The following WSCD2 variants were observed in gnomAD, a reference collection of about 807,000 sequenced individuals.
The protein encoded by WSCD2 is sialate:O-sulfotransferase 2.
In WSCD2, 28 loss-of-function variants were observed where a neutral mutation model predicts 55.7. The observed-to-expected ratio is 0.50, with a 90% CI of 0.37 to 0.69. WSCD2 has a LOEUF of 0.69. Among genes scored for constraint, WSCD2 ranks in the 30% least tolerant of loss-of-function variants. WSCD2 has a pLI of 0.00. For synonymous variants in WSCD2, 301 were observed against 301.9 expected, an observed-to-expected ratio of 1.00 and a Z score of 0.03; for missense variants, 616 against 762.1, an observed-to-expected ratio of 0.81 and a Z score of 2.26.
Position 108,248,280 on chromosome 12 carries a change from G to C in WSCD2, c.1635G>C (p.Met545Ile), listed in dbSNP as rs767652652. The C allele has an allele frequency of 5.6e-6, 9 of 1,614,210 alleles. No individual in the cohort carries two copies. In the Admixed American group the frequency reaches 1.5e-4, roughly 27 times the overall value. ...AGACCATCTCTGCCTACATCAAGAT[G>C]GTGGATGCAGCCCTCAAAGGGCGGA... ...MQKTISAYIKMVDAALKGRNL... is the reference protein window; with the variant it reads ...MQKTISAYIKIVDAALKGRNL... Residue 545 changes from methionine to isoleucine, a missense_variant, in exon 9 of 9, where the codon ATG (methionine) becomes ATC (isoleucine). By Grantham distance (10) the Met-to-Ile change is conservative. Transcript: ENST00000547525. The surrounding 1 kb of genome is among the most constrained non-coding windows in gnomAD (Gnocchi z 4.3).
At chr12:108,214,362 T>C (rs1886586622) in intron 4 of WSCD2, among the ~76,000 whole-genome samples, 1 of 151,392 alleles carries the variant, frequency 6.6e-6, no homozygotes, top group African/African-American at 2.5e-5. Flanking sequence ...AGTGAGAGCA[T>C]TAAAAGGTTA....
chr12:108,137,753 C>T (rs1285658520), intron 1 of WSCD2, among the ~76,000 whole-genome samples: 3 of 152,202 alleles, frequency 2.0e-5, no homozygotes, highest in Non-Finnish European at 4.4e-5. Flanking sequence ...TCATTGAATA[C>T]AGTATTTGAT....
At chr12:108,235,876 A>G (rs1482163473) in intron 7 of WSCD2, among the ~76,000 whole-genome samples, 1 of 152,168 alleles carries the variant, frequency 6.6e-6, no homozygotes, top group African/African-American at 2.4e-5. Context: ...AGTTGGCAGT[A>G]GGGGTATAGA....
intron 1 of WSCD2, among the ~76,000 whole-genome samples, chr12:108,161,789 G>A (rs1413358147): frequency 5.3e-5 from 8 of 152,186 alleles, no homozygotes; most frequent in Non-Finnish European, 1.0e-4. Flanking sequence ...GGAAGCTTGT[G>A]GTGGGTCCAG....
At position 108,248,196 on chromosome 12, in the gene WSCD2, C is replaced by A; in HGVS notation, c.1551C>A (p.Asn517Lys). Residue 517 changes from asparagine (N) to lysine (K), a missense_variant, in exon 9 of 9, where the codon AAC becomes AAA. By Grantham distance (94) the Asn-to-Lys change is moderately conservative. This residue lies in a region of WSCD2 where 234 missense variants were observed against 264.6 expected (regional missense o/e 0.88). Transcript: ENST00000547525. The surrounding 1 kb of genome is among the most constrained non-coding windows in gnomAD (Gnocchi z 4.3). ...LLCVESQKDG[N>K]FKRSGLRKLE... ...GTGTGGAGAGCCAGAAGGATGGCAA[C>A]TTCAAGCGCTCAGGGCTCCGGAAGC... is the stretch of plus-strand genomic sequence containing the variant. The A allele has an allele frequency of 6.2e-7, 1 of 1,614,222 alleles. No individual in the cohort carries two copies. Among genetic ancestry groups the A allele is most frequent in the Non-Finnish European group, 8.5e-7 (1 of 1,180,046 alleles).
intron 1 of WSCD2, among the ~76,000 whole-genome samples, chr12:108,139,482 A>C (rs1247907508): frequency 6.6e-6 from 1 of 152,152 alleles, no homozygotes; most frequent in Non-Finnish European, 1.5e-5. Context: ...TACATGCTGC[A>C]AAGTGAGCGA....
Position 108,170,175 on chromosome 12 carries a change from C to A in WSCD2, c.-551-25107C>A, listed in dbSNP as rs1188991127. Among the ~76,000 whole-genome samples the A allele has an allele frequency of 2.8e-5, 4 of 144,824 alleles. No individual in the cohort carries two copies. The Admixed American group carries it at 2.8e-4, about 10-fold the overall frequency. ...GTATGTGTGTCTTCCAAACAAGAAC[C>A]ACCTTTCAGCCTTACCTTTATTTTT... On this transcript the variant is annotated intron_variant, in intron 1 of 8. Coordinates refer to ENST00000547525, the MANE Select transcript of WSCD2 (RefSeq NM_014653.4).
At chr12:108,209,827 T>C (rs1428909105) in intron 3 of WSCD2, among the ~76,000 whole-genome samples, 2 of 151,942 alleles carry the variant, frequency 1.3e-5, no homozygotes. Context: ...CCCTGCCCTC[T>C]TTCCAGGGTC....
intron 1 of WSCD2, among the ~76,000 whole-genome samples, chr12:108,138,657 C>T (rs1037296127): frequency 6.6e-6 from 1 of 152,208 alleles, no homozygotes; most frequent in African/African-American, 2.4e-5. Flanking sequence ...TGTCTGTGGG[C>T]ATCTGTTCAG....
At chr12:108,212,613 T>TCTCTCA (rs1310160261) in intron 4 of WSCD2, among the ~76,000 whole-genome samples, 25 of 138,626 alleles carry the variant, frequency 1.8e-4, no homozygotes, top group Non-Finnish European at 3.4e-4. Flanking sequence ...TCTCTCTCTC[T>TCTCTCA]CACACACACA....
intron 6 of WSCD2, 72 bp downstream of exon 6, chr12:108,227,236 A>G (rs1275488262): frequency 5.5e-5 from 84 of 1,531,768 alleles, no homozygotes; most frequent in Non-Finnish European, 5.3e-6. Flanking sequence ...TGTTCCTGCC[A>G]GTCCATCCCA....
At chr12:108,184,561 T>TG (rs888661614) in intron 1 of WSCD2, among the ~76,000 whole-genome samples, 2 of 152,142 alleles carry the variant, frequency 1.3e-5, no homozygotes, top group African/African-American at 4.8e-5. Context: ...GCGTGTGCTC[T>TG]GGGAAGAAAC....
intron 1 of WSCD2, among the ~76,000 whole-genome samples, chr12:108,179,829 A>G (rs1158873805): frequency 6.6e-6 from 1 of 152,244 alleles, no homozygotes; most frequent in African/African-American, 2.4e-5. Context: ...TGGGGAGAAT[A>G]GCACTCGCCT....
intron 1 of WSCD2, among the ~76,000 whole-genome samples, chr12:108,178,161 G>A (rs918403235): frequency 2.6e-5 from 4 of 152,092 alleles, no homozygotes; most frequent in Admixed American, 1.3e-4. Context: ...TGGTTCCTCC[G>A]AGGTGTGTGT....
intron 1 of WSCD2, among the ~76,000 whole-genome samples, chr12:108,144,040 A>G (rs979372756): frequency 1.3e-5 from 2 of 152,058 alleles, no homozygotes; most frequent in African/African-American, 4.8e-5. Flanking sequence ...ATGCCTGCCC[A>G]GGATGGTCCA....
chr12:108,242,308 T>C (rs1421573238), intron 8 of WSCD2, among the ~76,000 whole-genome samples: 1 of 152,240 alleles, frequency 6.6e-6, no homozygotes, highest in Non-Finnish European at 1.5e-5. Context: ...GAAGCTTGGA[T>C]AGGTGGTGAC....
At chr12:108,163,874 T>C (rs1879324912) in intron 1 of WSCD2, among the ~76,000 whole-genome samples, 1 of 152,156 alleles carries the variant, frequency 6.6e-6, no homozygotes, top group African/African-American at 2.4e-5. Flanking sequence ...CTAGTAAGTT[T>C]GTGGTCATAT....
At chr12:108,228,191 G>A (rs1433002140) in intron 6 of WSCD2, among the ~76,000 whole-genome samples, 1 of 152,124 alleles carries the variant, frequency 6.6e-6, no homozygotes. Flanking sequence ...TGGGGATTGG[G>A]GGGCATCCCT....
intron 1 of WSCD2, among the ~76,000 whole-genome samples, chr12:108,176,073 T>A (rs1880815802): frequency 6.6e-6 from 1 of 152,048 alleles, no homozygotes. Context: ...TCTCCTGACC[T>A]CATGATCCGC....
Sources: allele counts gnomAD v4.1 joint callset (sites outside exome capture counted in the v4.1 genomes callset), GRCh38; gene constraint gnomAD v4.1.1; regional missense constraint gnomAD v4.1.1; non-coding constraint Gnocchi (gnomAD v3.1); transcripts MANE v1.5; gene names NCBI Gene and HGNC (gene_info 2026-07-23, HGNC 2026-07-21).